NRXN3: variants seen among roughly 807,000 people sequenced by gnomAD.
NRXN3 encodes neurexin 3.
Under a neutral mutation model 137.6 loss-of-function variants are expected in NRXN3, and 32 were observed. The observed-to-expected ratio is 0.23, with a 90% CI of 0.18 to 0.31. The LOEUF is 0.31. Among genes scored for constraint, NRXN3 ranks in the 10% least tolerant of loss-of-function variants. The pLI is 1.00. For synonymous variants in NRXN3, 798 were observed against 784.5 expected (o/e 1.02, Z -0.29); for missense variants, 1,574 against 2,062.5 (o/e 0.76, Z 4.59).
chr14:79,720,372 A>G (rs904274807), intron 19 of NRXN3, among the ~76,000 whole-genome samples: 7 of 152,122 alleles, frequency 4.6e-5, no homozygotes, highest in African/African-American at 1.7e-4. Context: ...GGGCGGGGAC[A>G]CAACCAAACC....
chr14:79,689,537 C>G (rs2098708440), intron 17 of NRXN3, among the ~76,000 whole-genome samples: 1 of 152,036 alleles, frequency 6.6e-6, no homozygotes, highest in Admixed American at 6.6e-5. Flanking sequence ...TAACAGCATG[C>G]AAGATTGCTA....
intron 8 of NRXN3, among the ~76,000 whole-genome samples, chr14:78,786,994 T>C (rs1330100193): frequency 6.6e-6 from 1 of 152,184 alleles, no homozygotes; most frequent in African/African-American, 2.4e-5. Flanking sequence ...GACAGTAATA[T>C]GACAACTTCT....
chr14:78,768,439 G>C (rs2098716017), intron 8 of NRXN3, among the ~76,000 whole-genome samples: 1 of 152,114 alleles, frequency 6.6e-6, no homozygotes, highest in African/African-American at 2.4e-5. Flanking sequence ...TGTTTTAATA[G>C]GGGTCCTTAG....
chr14:78,664,722 C>T (rs1269586697), intron 6 of NRXN3, among the ~76,000 whole-genome samples: 1 of 152,140 alleles, frequency 6.6e-6, no homozygotes, highest in East Asian at 1.9e-4. Context: ...TATTATAGTC[C>T]TCATCACATT....
At chr14:78,682,530 T>G (rs2098086501) in intron 6 of NRXN3, among the ~76,000 whole-genome samples, 1 of 152,172 alleles carries the variant, frequency 6.6e-6, no homozygotes, top group Admixed American at 6.5e-5. Flanking sequence ...AGCTACTGTC[T>G]AGTCCTCAGT....
At chr14:78,491,865 T>C (rs1218917896) in intron 4 of NRXN3, among the ~76,000 whole-genome samples, 1 of 152,160 alleles carries the variant, frequency 6.6e-6, no homozygotes, top group Admixed American at 6.6e-5. Context: ...TTTCTTACCT[T>C]TTTAAATAAA....
chr14:79,845,080 C>T (rs1486954590), intron 20 of NRXN3, among the ~76,000 whole-genome samples: 2 of 152,122 alleles, frequency 1.3e-5, no homozygotes, highest in East Asian at 3.9e-4. Context: ...GAACCAACCC[C>T]TGGTAGCTTC....
chr14:79,099,200 A>G (rs1425169962), intron 15 of NRXN3, among the ~76,000 whole-genome samples: 1 of 152,204 alleles, frequency 6.6e-6, no homozygotes, highest in Non-Finnish European at 1.5e-5. Context: ...GATACATTGT[A>G]TGTCACTTGC....
At chr14:79,605,265 C>T (rs536215158) in intron 16 of NRXN3, among the ~76,000 whole-genome samples, 5 of 152,188 alleles carry the variant, frequency 3.3e-5, no homozygotes, top group Non-Finnish European at 4.4e-5. Flanking sequence ...TTGTCCAGGG[C>T]CTCCAACTTC....
At chr14:78,407,629 C>G (rs781422750) in intron 4 of NRXN3, among the ~76,000 whole-genome samples, 3 of 152,186 alleles carry the variant, frequency 2.0e-5, no homozygotes, top group Non-Finnish European at 4.4e-5. Flanking sequence ...ACCTCTCAAG[C>G]TTTCCTCTAT....
At chr14:79,695,932 A>G (rs1034394415) in intron 18 of NRXN3, among the ~76,000 whole-genome samples, 1 of 151,962 alleles carries the variant, frequency 6.6e-6, no homozygotes, top group Non-Finnish European at 1.5e-5. Flanking sequence ...AGTATAGATC[A>G]TTTTCACTAT....
intron 10 of NRXN3, among the ~76,000 whole-genome samples, chr14:78,944,379 G>A (rs926697043): frequency 1.3e-5 from 2 of 152,188 alleles, no homozygotes; most frequent in African/African-American, 4.8e-5. Flanking sequence ...ATTCTTTATT[G>A]TTCTCAGAAA....
At chr14:79,090,650 T>G (rs1408710999) in intron 15 of NRXN3, among the ~76,000 whole-genome samples, 2 of 152,014 alleles carry the variant, frequency 1.3e-5, no homozygotes, top group African/African-American at 2.4e-5. Flanking sequence ...CTATTCAAAA[T>G]CTTCATTCCC....
At chr14:79,620,343 A>AT in intron 16 of NRXN3, among the ~76,000 whole-genome samples, 1 of 152,284 alleles carries the variant, frequency 6.6e-6, no homozygotes, top group East Asian at 1.9e-4. Flanking sequence ...GATGTCAAGT[A>AT]CTTGTCTTCC....
chr14:78,970,325 T>C (rs569219060), intron 14 of NRXN3, among the ~76,000 whole-genome samples: 1 of 152,350 alleles, frequency 6.6e-6, no homozygotes, highest in African/African-American at 2.4e-5. Context: ...AATTTTGTAT[T>C]TTATTCAATT....
At chr14:79,398,626 C>T (rs2095095897) in intron 15 of NRXN3, among the ~76,000 whole-genome samples, 1 of 152,000 alleles carries the variant, frequency 6.6e-6, no homozygotes, top group Admixed American at 6.6e-5. Flanking sequence ...TGTTCTCAAC[C>T]TCTGCCATTA....
At chr14:79,073,816 GAAA>G (rs1262515932) in intron 15 of NRXN3, among the ~76,000 whole-genome samples, 5 of 152,104 alleles carry the variant, frequency 3.3e-5, no homozygotes, top group African/African-American at 1.2e-4. Context: ...AAAGTATCAA[GAAA>G]ACATTTTCTC....
chr14:79,537,549 T>C (rs113550824), intron 16 of NRXN3, among the ~76,000 whole-genome samples: 3,901 of 152,278 alleles, frequency 0.026, 122 homozygotes, highest in East Asian at 0.13. Context: ...TGTTTGGTTT[T>C]TTTGTCCTTG....
In NRXN3 at chr14:79,540,082, T is replaced by A. The variant is rs138024738; in HGVS notation, c.3444+72680T>A. Among the ~76,000 whole-genome samples the A allele has an allele frequency of 6.4e-3, 970 of 152,246 alleles. 11 individuals are homozygous for A. Among genetic ancestry groups the A allele is most frequent in the Middle Eastern group, 0.041 (12 of 294 alleles). Reference sequence around the variant, plus strand: ...TTACAGTTCTAATGAATAGAAGCAGTCTATTCAGGCTTCTGGCAATATTTT... The same window carrying A: ...TTACAGTTCTAATGAATAGAAGCAGACTATTCAGGCTTCTGGCAATATTTT... On this transcript the variant is annotated intron_variant, in intron 16 of 20. Coordinates refer to ENST00000335750, the MANE Select transcript of NRXN3 (RefSeq NM_001330195.2).
Sources: gnomAD v4.1 joint callset for allele counts (sites outside exome capture counted in the v4.1 genomes callset) on GRCh38, gnomAD v4.1.1 for gene constraint, MANE v1.5 for transcripts, NCBI Gene and HGNC (gene_info 2026-07-23, HGNC 2026-07-21) for gene names.